The following FAM171A1 variants were observed in gnomAD, a reference collection of about 807,000 sequenced individuals.
FAM171A1 encodes protein FAM171A1.
In FAM171A1, 23 loss-of-function variants were observed where a neutral mutation model predicts 74.9. That is an observed-to-expected ratio of 0.31 (90% CI 0.22 to 0.44). FAM171A1 has a LOEUF of 0.44. Ranked by LOEUF, FAM171A1 falls within the 20% of genes least tolerant of loss-of-function variation. The probability of loss-of-function intolerance (pLI) is 1.00; values close to 1 mark genes in which losing one functional copy is unlikely to be tolerated. For missense variants in FAM171A1, 1,162 were observed against 1,159.2 expected (o/e 1.00, Z -0.03); for synonymous variants, 527 against 505.7 (o/e 1.04, Z -0.57).
In FAM171A1 at chr10:15,260,455, A is replaced by T. The variant is rs77581832; in HGVS notation, c.419-5576T>A. Among the ~76,000 whole-genome samples the T allele has an allele frequency of 3.5e-3, 531 of 152,280 alleles. 21 individuals are homozygous for T. The East Asian group carries it at 0.095, about 27-fold the overall frequency. On this transcript the variant is annotated intron_variant, in intron 3 of 7. Transcript: ENST00000378116. The stretch of plus-strand genomic sequence containing the variant: ...GTTATCTTTAAAATGGGTATGAATC[A>T]TGCCTGTCTCATAATATGGCTGTTG...
intron 1 of FAM171A1, among the ~76,000 whole-genome samples, chr10:15,287,253 G>A (rs576925464): frequency 6.7e-5 from 10 of 149,620 alleles, no homozygotes; most frequent in South Asian, 6.4e-4. Context: ...CACCACATCC[G>A]GCTAATTTTT....
At chr10:15,238,575 T>C (rs148033302) in intron 5 of FAM171A1, among the ~76,000 whole-genome samples, 2 of 145,880 alleles carry the variant, frequency 1.4e-5, no homozygotes, top group East Asian at 4.5e-4. Context: ...CTTAGATCTG[T>C]GTTTTAAATG....
In FAM171A1 at chr10:15,224,316, G is replaced by A. The variant is rs147495175; in HGVS notation, c.755-3256C>T. Among the ~76,000 whole-genome samples the A allele has an allele frequency of 1.6e-3, 248 of 152,242 alleles. 1 individual carries two copies. The highest frequency in any genetic ancestry group is 2.9e-3 in the Non-Finnish European group (194 of 68,000). On this transcript the variant is annotated intron_variant, in intron 5 of 7. Transcript: ENST00000378116. Reference sequence around the variant, plus strand: ...TGGAAGTGGGGATGGGAGCACAGAGGCCCCGGGTGAACAGGACGGAGCAGC... The same window carrying A: ...TGGAAGTGGGGATGGGAGCACAGAGACCCCGGGTGAACAGGACGGAGCAGC...
At position 15,213,783 on chromosome 10, in the gene FAM171A1, A is replaced by T; in HGVS notation, c.1805T>A (p.Val602Asp). The T allele has an allele frequency of 6.2e-7, 1 of 1,614,124 alleles. No homozygotes were observed. Among genetic ancestry groups the T allele is most frequent in the Non-Finnish European group, 8.5e-7 (1 of 1,180,010 alleles). ...CTCAAGCTGCTGATCAGCCGGGACG[A>T]CGAGGGGCTGGCTGACATAGGAGTG... ...GDHSYVSQPL[V>D]VPADQQLEIE... is the part of the protein sequence containing the mutation. Residue 602 changes from valine to aspartate, a missense_variant, in exon 8 of 8, where the codon GTC (valine) becomes GAC (aspartate). Physicochemically the swap from Val to Asp is radical, Grantham distance 152 (BLOSUM62 -3). Transcript: ENST00000378116. This position sits in a 1 kb window ranked among gnomAD's most constrained non-coding sequence, Gnocchi z 6.8.
chr10:15,227,938 G>A (rs1834130194), intron 5 of FAM171A1, among the ~76,000 whole-genome samples: 2 of 152,096 alleles, frequency 1.3e-5, no homozygotes, highest in African/African-American at 4.8e-5. Context: ...CCCAGCAATC[G>A]CCAAGTGTGC....
intron 5 of FAM171A1, 140 bp downstream of exon 5, chr10:15,248,499 T>G: frequency 2.3e-4 from 196 of 843,042 alleles, no homozygotes; most frequent in Non-Finnish European, 2.9e-4. Flanking sequence ...GCCGTCCCCA[T>G]GAGAAACCAC....
Position 15,284,058 on chromosome 10 carries a change from C to T in FAM171A1, c.145G>A (p.Val49Ile), listed in dbSNP as rs547476247. The change falls in exon 2 of 8, where the codon GTA becomes ATA. Residue 49 changes from valine to isoleucine, a missense_variant. Transcript: ENST00000378116. ...HISDASTHQPVADALIEIFTN... is the reference protein window; with the variant it reads ...HISDASTHQPIADALIEIFTN... ...AAGATCTCGATGAGCGCATCTGCTA[C>T]GGGCTGGTGGGTGCTGGCGTCGCTG... 6.8e-5 allele frequency: 109 copies of T among 1,610,328 alleles called. No homozygotes were observed. The highest frequency in any genetic ancestry group is 8.4e-5 in the Non-Finnish European group (99 of 1,178,622).
intron 2 of FAM171A1, among the ~76,000 whole-genome samples, chr10:15,278,818 G>T (rs1834928971): frequency 6.6e-6 from 1 of 152,186 alleles, no homozygotes; most frequent in Middle Eastern, 3.2e-3. Flanking sequence ...TCTGCAATTA[G>T]TCACTGTTGG....
At chr10:15,370,496 G>A (rs1222901775) in intron 1 of FAM171A1, among the ~76,000 whole-genome samples, 5 of 151,926 alleles carry the variant, frequency 3.3e-5, no homozygotes, top group Non-Finnish European at 7.4e-5. Context: ...CACAACAAAA[G>A]GCCCCAGCGC....
Position 15,361,277 on chromosome 10 carries a change from A to AT in FAM171A1, c.97+9678dup, listed in dbSNP as rs533384532. On this transcript the variant is annotated intron_variant, in intron 1 of 7. Transcript: ENST00000378116. Reference sequence around the variant, plus strand: ...CTCTGTGAGGGAAGAGATTTAAGCCATAATTGTGGTGCAAGGAAACCACAC... The same window carrying AT: ...CTCTGTGAGGGAAGAGATTTAAGCCATTAATTGTGGTGCAAGGAAACCACAC... Among the ~76,000 whole-genome samples, 45 of 152,364 alleles carry AT rather than the reference A, an allele frequency of 3.0e-4. 2 individuals are homozygous for AT. In the South Asian group the frequency reaches 9.3e-3, roughly 32 times the overall value.
chr10:15,327,541 C>G (rs1358879525), intron 1 of FAM171A1, among the ~76,000 whole-genome samples: 2 of 152,150 alleles, frequency 1.3e-5, no homozygotes, highest in East Asian at 3.9e-4. Context: ...ATCCCAGCTA[C>G]TCAGGAGGCT....
chr10:15,232,383 C>T (rs144555090), intron 5 of FAM171A1, among the ~76,000 whole-genome samples: 502 of 152,332 alleles, frequency 3.3e-3, no homozygotes, highest in African/African-American at 0.012. Flanking sequence ...AGCTCATTCT[C>T]GGTCTCCTTC....
intron 2 of FAM171A1, among the ~76,000 whole-genome samples, chr10:15,280,315 A>C (rs774512540): frequency 6.6e-6 from 1 of 152,192 alleles, no homozygotes; most frequent in Non-Finnish European, 1.5e-5. Flanking sequence ...TGAACTGCAC[A>C]TATATATTTT....
chr10:15,339,753 C>T (rs1016338987), intron 1 of FAM171A1, among the ~76,000 whole-genome samples: 1 of 152,128 alleles, frequency 6.6e-6, no homozygotes, highest in Non-Finnish European at 1.5e-5. Context: ...TCCCTGTATT[C>T]GTCTGCCTTC....
chr10:15,242,513 G>A (rs904323509), intron 5 of FAM171A1, among the ~76,000 whole-genome samples: 3 of 152,222 alleles, frequency 2.0e-5, no homozygotes, highest in East Asian at 1.9e-4. Context: ...TCGGCCGGGC[G>A]CGTTGGCTCA....
chr10:15,318,844 A>T (rs904253611), intron 1 of FAM171A1, among the ~76,000 whole-genome samples: 8 of 152,234 alleles, frequency 5.3e-5, no homozygotes, highest in African/African-American at 1.9e-4. Flanking sequence ...CTACAGCAGA[A>T]GATGAGGCAG....
chr10:15,254,864 G>A lies in FAM171A1; in HGVS notation c.434C>T (p.Pro145Leu). The change falls in exon 4 of 8, where the codon CCT becomes CTT. Residue 145 changes from proline (P) to leucine (L), a missense_variant. Transcript: ENST00000378116. ...VSGFQGARPQ[P>L]RVHFQRRALR... is the part of the protein sequence containing the mutation. ...AGCCCTTCTCTGGAAATGAACGCGA[G>A]GCTGTGGCCGGGCACCTGCAGAGAT... is the stretch of plus-strand genomic sequence containing the variant. 6.2e-7 allele frequency: 1 copy of A among 1,613,832 alleles called. No individual in the cohort carries two copies. Among genetic ancestry groups the A allele is most frequent in the Non-Finnish European group, 8.5e-7 (1 of 1,179,732 alleles).
At chr10:15,285,851 T>A (rs1588533938) in intron 1 of FAM171A1, among the ~76,000 whole-genome samples, 1 of 152,116 alleles carries the variant, frequency 6.6e-6, no homozygotes, top group Non-Finnish European at 1.5e-5. Context: ...GCTGGCTGGG[T>A]ACAGAGCAGC....
intron 3 of FAM171A1, among the ~76,000 whole-genome samples, chr10:15,266,703 C>A (rs189327642): frequency 2.6e-4 from 40 of 151,734 alleles, no homozygotes; most frequent in Admixed American, 1.6e-3. Context: ...CCCGTCTCTA[C>A]TAAAAATAAA....
Sources: gnomAD v4.1 joint callset for allele counts (sites outside exome capture counted in the v4.1 genomes callset) on GRCh38, gnomAD v4.1.1 for gene constraint, Gnocchi (gnomAD v3.1) non-coding constraint, MANE v1.5 for transcripts, NCBI Gene and HGNC (gene_info 2026-07-23, HGNC 2026-07-21) for gene names.